FRYL: variants seen among roughly 807,000 people sequenced by gnomAD.
FRYL encodes protein furry homolog-like.
FRYL carries 150 observed loss-of-function variants against 351.2 expected under a neutral mutation model. The ratio of observed to expected loss-of-function variants is 0.43; its 90% confidence interval spans 0.37 to 0.49. The LOEUF (loss-of-function observed/expected upper bound fraction) is 0.49. FRYL is among the 20% of genes least tolerant of loss of function. The pLI is 0.00. For synonymous variants in FRYL, 1,153 were observed against 1,257.1 expected (o/e 0.92, Z 1.75); for missense variants, 3,036 against 3,619.3 (o/e 0.84, Z 4.13).
intron 22 of FRYL, among the ~76,000 whole-genome samples, chr4:48,579,726 T>C (rs1740458470): frequency 1.3e-5 from 2 of 152,196 alleles, no homozygotes; most frequent in Admixed American, 1.3e-4. Flanking sequence ...AAGAAAAGTA[T>C]ATTAAGCACT....
At chr4:48,624,750 T>C (rs1263119115) in intron 4 of FRYL, among the ~76,000 whole-genome samples, 2 of 152,294 alleles carry the variant, frequency 1.3e-5, no homozygotes, top group East Asian at 3.9e-4. Context: ...TGTGAGAGTA[T>C]CTGTGGATGA....
At chr4:48,674,668 C>T (rs182278161) in intron 3 of FRYL, among the ~76,000 whole-genome samples, 3 of 123,844 alleles carry the variant, frequency 2.4e-5, no homozygotes, top group East Asian at 2.8e-4. Context: ...ACCTGGGAGG[C>T]GGAGCTTGCA....
At chr4:48,612,512 G>GTGTA (rs1392869932) in intron 7 of FRYL, among the ~76,000 whole-genome samples, 3 of 151,982 alleles carry the variant, frequency 2.0e-5, no homozygotes, top group Non-Finnish European at 4.4e-5. Context: ...GTGTGTGTGT[G>GTGTA]TGTGTGTGTG....
At chr4:48,614,350 A>G (rs1748893426) in intron 7 of FRYL, among the ~76,000 whole-genome samples, 1 of 152,184 alleles carries the variant, frequency 6.6e-6, no homozygotes, top group South Asian at 2.1e-4. Context: ...AGCAACAAGA[A>G]TTTCTAAGAT....
At chr4:48,499,927 C>G in intron 63 of FRYL, 103 bp downstream of exon 63, 1 of 902,736 alleles carries the variant, frequency 1.1e-6, no homozygotes, top group Non-Finnish European at 1.7e-6. Flanking sequence ...TTTTCTTTCA[C>G]AAAGACATGA....
chr4:48,511,034 T>C (rs1402662821), intron 57 of FRYL, 50 bp from the exon 58 acceptor site: 3 of 1,336,990 alleles, frequency 2.2e-6, no homozygotes, highest in African/African-American at 1.5e-5. Flanking sequence ...AGAAGGCCTT[T>C]TTTCATCTTT....
chr4:48,501,078 T>C (rs1263266725), intron 62 of FRYL, among the ~76,000 whole-genome samples: 5 of 72,164 alleles, frequency 6.9e-5, no homozygotes, highest in Non-Finnish European at 9.8e-5. Context: ...AGAAGGAGAC[T>C]CTGCCTCAAA....
intron 40 of FRYL, 103 bp from the exon 41 acceptor site, chr4:48,547,872 T>G: frequency 1.3e-6 from 1 of 741,808 alleles, no homozygotes; most frequent in Non-Finnish European, 2.0e-6. Flanking sequence ...ATGAAAGATT[T>G]CATGGAAGGT....
intron 1 of FRYL, among the ~76,000 whole-genome samples, chr4:48,711,043 C>T (rs1310383775): frequency 6.6e-6 from 1 of 152,216 alleles, no homozygotes; most frequent in Non-Finnish European, 1.5e-5. Context: ...CATGCTACAA[C>T]ATGGATGAAT....
intron 31 of FRYL, among the ~76,000 whole-genome samples, 198 bp downstream of exon 31, chr4:48,563,750 A>G (rs1736094048): frequency 1.3e-5 from 2 of 151,954 alleles, no homozygotes; most frequent in South Asian, 4.2e-4. Flanking sequence ...TGCATAGAGT[A>G]AATACAAATA....
Position 48,515,063 on chromosome 4 carries a change from A to G in FRYL, c.7902T>C (p.Cys2634=), listed in dbSNP as rs1239125743. The G allele has an allele frequency of 1.2e-6, 2 of 1,613,688 alleles. No homozygotes were observed. The highest frequency in any genetic ancestry group is 2.7e-5 in the African/African-American group (2 of 74,878). The part of the protein sequence containing the change: ...TLALKELDER[C]EEEEADFSGL... Reference sequence around the variant, plus strand: ...CGGAGAAATCCGCTTCTTCTTCTTCACATCTTTCATCTAGCTCTTTCAGAG... The same window carrying G: ...CGGAGAAATCCGCTTCTTCTTCTTCGCATCTTTCATCTAGCTCTTTCAGAG... Residue 2634 remains cysteine, a synonymous_variant, in exon 56 of 64, where the codon TGT becomes TGC. Coordinates refer to ENST00000358350, the MANE Select transcript of FRYL (RefSeq NM_015030.2).
At chr4:48,606,081 T>C (rs62309679) in intron 10 of FRYL, among the ~76,000 whole-genome samples, 1 of 85,046 alleles carries the variant, frequency 1.2e-5, no homozygotes, top group Admixed American at 1.8e-4. Flanking sequence ...CATGGTGAAA[T>C]CCCGTCTCTA....
intron 1 of FRYL, among the ~76,000 whole-genome samples, chr4:48,748,648 T>A (rs1040767589): frequency 4.0e-5 from 6 of 151,716 alleles, no homozygotes; most frequent in African/African-American, 1.5e-4. Context: ...AGAAAAAAAA[T>A]AAAAACCAAG....
intron 47 of FRYL, among the ~76,000 whole-genome samples, chr4:48,539,202 A>G (rs1426531376): frequency 6.6e-6 from 1 of 152,208 alleles, no homozygotes; most frequent in Non-Finnish European, 1.5e-5. Context: ...TAAAAGAGCC[A>G]AATAAGGAAT....
intron 19 of FRYL, among the ~76,000 whole-genome samples, chr4:48,583,787 C>A (rs1741463258): frequency 6.6e-6 from 1 of 151,876 alleles, no homozygotes; most frequent in Admixed American, 6.6e-5. Flanking sequence ...CGCCTGTAAT[C>A]CCAGCTACTC....
chr4:48,726,047 T>C (rs1305817077), intron 1 of FRYL, among the ~76,000 whole-genome samples: 1 of 152,160 alleles, frequency 6.6e-6, no homozygotes, highest in African/African-American at 2.4e-5. Context: ...ATTCTCAGAA[T>C]TTCAGAGATA....
At chr4:48,562,617 C>A (rs1735776076) in intron 32 of FRYL, among the ~76,000 whole-genome samples, 1 of 152,136 alleles carries the variant, frequency 6.6e-6, no homozygotes, top group African/African-American at 2.4e-5. Context: ...TACATGGACA[C>A]ATATTTATAA....
intron 35 of FRYL, among the ~76,000 whole-genome samples, chr4:48,556,186 C>A (rs898472975): frequency 1.3e-5 from 2 of 152,230 alleles, no homozygotes; most frequent in African/African-American, 4.8e-5. Context: ...TGAGCCACTG[C>A]GCCTGGCCTG....
intron 4 of FRYL, among the ~76,000 whole-genome samples, chr4:48,633,806 A>G (rs1324735534): frequency 2.6e-5 from 4 of 152,082 alleles, no homozygotes. Context: ...TCCGCTCTCA[A>G]TGTCTTCTCT....
Sources: allele counts gnomAD v4.1 joint callset (sites outside exome capture counted in the v4.1 genomes callset), GRCh38; gene constraint gnomAD v4.1.1; transcripts MANE v1.5; gene names NCBI Gene and HGNC (gene_info 2026-07-23, HGNC 2026-07-21).